Variants in NUMB observed in about 807,000 individuals in gnomAD.
NUMB encodes the protein NUMB endocytic adaptor protein.
Under a neutral mutation model 59.7 loss-of-function variants are expected in NUMB, and 29 were observed. The observed-to-expected ratio is 0.49, with a 90% CI of 0.36 to 0.66. NUMB has a LOEUF of 0.66. Ranked by LOEUF, NUMB falls within the 30% of genes least tolerant of loss-of-function variation. The pLI is 0.00. For synonymous variants in NUMB, 288 were observed against 288.2 expected (o/e 1.00, Z 0.01); for missense variants, 723 against 822.0 (o/e 0.88, Z 1.47).
At chr14:73,305,250 T>C (rs1365684096) in intron 6 of NUMB, among the ~76,000 whole-genome samples, 2 of 152,164 alleles carry the variant, frequency 1.3e-5, no homozygotes, top group African/African-American at 4.8e-5. Context: ...TCCAATAACA[T>C]GTTATTTACA....
chr14:73,408,886 AAAAAAAG>A (rs1211448187), intron 2 of NUMB, among the ~76,000 whole-genome samples: 6 of 151,048 alleles, frequency 4.0e-5, no homozygotes, highest in South Asian at 2.1e-4. Flanking sequence ...TCAAAAAAAA[AAAAAAAG>A]AAAGAAAGAA....
At chr14:73,387,651 T>C (rs1010535542) in intron 2 of NUMB, among the ~76,000 whole-genome samples, 6 of 151,302 alleles carry the variant, frequency 4.0e-5, no homozygotes, top group African/African-American at 1.5e-4. Context: ...AAGAATCGCT[T>C]GAACCTGGGA....
intron 2 of NUMB, among the ~76,000 whole-genome samples, chr14:73,396,862 C>T (rs113211182): frequency 0.051 from 7,826 of 152,116 alleles, 652 homozygotes; most frequent in African/African-American, 0.18. Context: ...GTGGCTCATG[C>T]CTGTAATCCC....
At chr14:73,451,086 G>A (rs1441711349) in intron 1 of NUMB, among the ~76,000 whole-genome samples, 5 of 147,944 alleles carry the variant, frequency 3.4e-5, no homozygotes, top group Admixed American at 6.8e-5. Flanking sequence ...CCCAGGAGGC[G>A]GAGGTTGCAG....
chr14:73,345,492 A>T (rs1892867671), intron 4 of NUMB, among the ~76,000 whole-genome samples: 1 of 152,228 alleles, frequency 6.6e-6, no homozygotes, highest in Admixed American at 6.5e-5. Context: ...CTAAAATAAA[A>T]GATTTAAAAA....
rs1888206663 is a variant in NUMB, at chr14:73,276,989, A to AT, written c.1544dup (p.Asn515LysfsTer9). 3 of 1,614,032 alleles carry AT rather than the reference A, an allele frequency of 1.9e-6. No homozygotes were observed. Among genetic ancestry groups the AT allele is most frequent in the Non-Finnish European group, 2.5e-6 (3 of 1,180,036 alleles). On this transcript the variant is annotated frameshift_variant, in exon 13 of 13. Coordinates refer to ENST00000555238, the MANE Select transcript of NUMB (RefSeq NM_001005743.2). LOFTEE classifies it high-confidence loss of function. ...CATTAGGGGCTGGATAGGGCATTCC[A>AT]TTGGCCACAGGATAGGACTGGGCAG... is the stretch of plus-strand genomic sequence containing the variant.
chr14:73,435,735 A>G (rs1339382284), intron 1 of NUMB, among the ~76,000 whole-genome samples: 1 of 151,758 alleles, frequency 6.6e-6, no homozygotes, highest in Non-Finnish European at 1.5e-5. Context: ...ATCTGGGCTC[A>G]GTGGCTCACG....
At chr14:73,304,493 T>C (rs565898410) in intron 6 of NUMB, among the ~76,000 whole-genome samples, 2 of 152,092 alleles carry the variant, frequency 1.3e-5, no homozygotes, top group East Asian at 1.9e-4. Flanking sequence ...TTTATTTTTA[T>C]AGAGATGGTC....
At position 73,446,594 on chromosome 14, in the gene NUMB, G is replaced by A. The variant is rs751523155; in HGVS notation, c.-233+11899C>T. ...CACTCCAGCCTGGGCGACAGAGTGCGACTTTGTCTCAAAAAAAAAAAAAAA... is the reference window on the plus strand; with the variant it reads ...CACTCCAGCCTGGGCGACAGAGTGCAACTTTGTCTCAAAAAAAAAAAAAAA... On this transcript the variant is annotated intron_variant, in intron 1 of 12. Coordinates refer to ENST00000555238, the MANE Select transcript of NUMB (RefSeq NM_001005743.2). Among the ~76,000 whole-genome samples the A allele has an allele frequency of 4.8e-5, 7 of 144,562 alleles. No individual in the cohort carries two copies. In the East Asian group the frequency reaches 1.0e-3, roughly 21 times the overall value. The allele number at this position is 144,562 out of a possible 152,430, so 94.8% of individuals were successfully genotyped here. A position where few individuals can be genotyped will look rare whatever the true frequency, so the allele number is the denominator to read the frequency against.
intron 1 of NUMB, among the ~76,000 whole-genome samples, chr14:73,437,338 A>C (rs560335397): frequency 6.6e-6 from 1 of 152,106 alleles, no homozygotes; most frequent in African/African-American, 2.4e-5. Context: ...CGCCTGGCCT[A>C]TTTTTCTCTT....
chr14:73,428,966 C>T (rs1897703851), intron 1 of NUMB, among the ~76,000 whole-genome samples: 1 of 152,108 alleles, frequency 6.6e-6, no homozygotes, highest in Non-Finnish European at 1.5e-5. Flanking sequence ...TAACCACCAC[C>T]ACAATCAAGA....
At chr14:73,316,290 A>G in intron 6 of NUMB, 100 bp downstream of exon 6, 5 of 982,132 alleles carry the variant, frequency 5.1e-6, no homozygotes. Context: ...TTCCTGCATT[A>G]TAAAGAAACC....
chr14:73,404,436 G>A (rs969215761), intron 2 of NUMB, among the ~76,000 whole-genome samples: 1 of 151,966 alleles, frequency 6.6e-6, no homozygotes, highest in Non-Finnish European at 1.5e-5. Context: ...CTTTTTCTTA[G>A]AAGATGCATG....
intron 2 of NUMB, among the ~76,000 whole-genome samples, chr14:73,380,950 T>C (rs889837341): frequency 2.6e-5 from 4 of 152,170 alleles, no homozygotes; most frequent in Non-Finnish European, 4.4e-5. Flanking sequence ...CTCAAACTCC[T>C]AACCTCAAGT....
chr14:73,345,525 T>G (rs1892871767), intron 4 of NUMB, among the ~76,000 whole-genome samples: 1 of 152,214 alleles, frequency 6.6e-6, no homozygotes, highest in African/African-American at 2.4e-5. Context: ...TCGAAATTTT[T>G]GGTCTCAGGA....
chr14:73,381,202 A>G (rs911307701), intron 2 of NUMB, among the ~76,000 whole-genome samples: 7 of 152,164 alleles, frequency 4.6e-5, no homozygotes, highest in African/African-American at 1.7e-4. Flanking sequence ...TCTTTAATCA[A>G]CCTCGGTACC....
chr14:73,342,404 G>C (rs1187967460), intron 4 of NUMB, among the ~76,000 whole-genome samples: 1 of 152,158 alleles, frequency 6.6e-6, no homozygotes, highest in African/African-American at 2.4e-5. Context: ...TACACTGTGA[G>C]GCAGCTTTGA....
chr14:73,325,412 C>T (rs1242428695), intron 4 of NUMB, among the ~76,000 whole-genome samples: 1 of 152,008 alleles, frequency 6.6e-6, no homozygotes. Flanking sequence ...TATGATCACA[C>T]CACAGCACAC....
intron 4 of NUMB, among the ~76,000 whole-genome samples, chr14:73,337,113 CA>C (rs911645443): frequency 1.3e-5 from 2 of 149,090 alleles, no homozygotes; most frequent in Non-Finnish European, 3.0e-5. Context: ...CTGCCTGTCT[CA>C]AAAAAAGCAA....
Sources: allele counts gnomAD v4.1 joint callset (sites outside exome capture counted in the v4.1 genomes callset), GRCh38; gene constraint gnomAD v4.1.1; transcripts MANE v1.5; gene names NCBI Gene and HGNC (gene_info 2026-07-23, HGNC 2026-07-21).